BTBD9: variants seen among roughly 807,000 people sequenced by gnomAD.
BTBD9 encodes the protein BTB/POZ domain-containing protein 9.
BTBD9 carries 49 observed loss-of-function variants against 64.3 expected under a neutral mutation model. The observed-to-expected ratio is 0.76, with a 90% confidence interval of 0.61 to 0.97. The LOEUF (loss-of-function observed/expected upper bound fraction) is 0.97, where lower values mean the gene tolerates loss of function less well. BTBD9 is among the 50% of genes least tolerant of loss of function. The pLI, the probability that BTBD9 is intolerant of heterozygous loss-of-function variation, is 0.00. For missense variants in BTBD9, 598 were observed against 762.1 expected (o/e 0.78, Z 2.53); for synonymous variants, 260 against 274.7 (o/e 0.95, Z 0.53).
intron 9 of BTBD9, among the ~76,000 whole-genome samples, chr6:38,212,402 AG>A (rs1762864749): frequency 6.6e-6 from 1 of 152,134 alleles, no homozygotes. Context: ...GAAGGTTGAG[AG>A]GGGGTGACAC....
intron 9 of BTBD9, among the ~76,000 whole-genome samples, chr6:38,225,951 G>A (rs981755358): frequency 4.6e-5 from 7 of 152,336 alleles, no homozygotes; most frequent in South Asian, 2.1e-4. Flanking sequence ...GACTGAGCAC[G>A]TTTCATTGGC....
At chr6:38,426,255 A>C (rs1342683388) in intron 6 of BTBD9, among the ~76,000 whole-genome samples, 2 of 152,076 alleles carry the variant, frequency 1.3e-5, no homozygotes, top group East Asian at 3.9e-4. Context: ...CTCAGCTCAC[A>C]CCCAACCAAT....
chr6:38,245,186 T>G (rs773850489), intron 9 of BTBD9, among the ~76,000 whole-genome samples: 1 of 152,230 alleles, frequency 6.6e-6, no homozygotes, highest in Non-Finnish European at 1.5e-5. Flanking sequence ...GCTCTGGAGC[T>G]TACCTTCTGG....
intron 6 of BTBD9, among the ~76,000 whole-genome samples, chr6:38,535,672 C>T (rs1394317736): frequency 6.6e-6 from 1 of 151,922 alleles, no homozygotes; most frequent in Non-Finnish European, 1.5e-5. Context: ...CATAGACCAA[C>T]GGAACAGAAT....
intron 6 of BTBD9, among the ~76,000 whole-genome samples, chr6:38,475,079 G>C (rs1770819275): frequency 6.6e-6 from 1 of 151,720 alleles, no homozygotes; most frequent in African/African-American, 2.4e-5. Context: ...AATAATGTAG[G>C]GAAAAGTAAA....
intron 6 of BTBD9, among the ~76,000 whole-genome samples, chr6:38,556,523 G>C (rs527797406): frequency 2.2e-5 from 1 of 45,672 alleles, no homozygotes; most frequent in East Asian, 6.0e-4. Context: ...GTGTGTGTGT[G>C]TGTGTGTGTG....
At chr6:38,613,490 C>T (rs1242517724) in intron 1 of BTBD9, among the ~76,000 whole-genome samples, 3 of 152,010 alleles carry the variant, frequency 2.0e-5, no homozygotes, top group Admixed American at 6.6e-5. Flanking sequence ...GGCATGATGG[C>T]GGGTCCCTGT....
At position 38,171,031 on chromosome 6, in the gene BTBD9, T is replaced by C. The variant is rs747989079; in HGVS notation, c.*3954A>G. On this transcript the variant is annotated 3_prime_UTR_variant, in exon 11 of 11. Coordinates refer to ENST00000481247, the MANE Select transcript of BTBD9 (RefSeq NM_001099272.2). Reference sequence around the variant, plus strand: ...TTTCCTCTTTGACACCTTTCTTCCCTGTCCAAAGGGAGGTTCTTAATTGAA... The same window carrying C: ...TTTCCTCTTTGACACCTTTCTTCCCCGTCCAAAGGGAGGTTCTTAATTGAA... 1.3e-5 allele frequency: 2 copies of C among 152,254 alleles called. No individual in the cohort carries two copies. Among genetic ancestry groups the C allele is most frequent in the African/African-American group, 4.8e-5 (2 of 41,472 alleles). The allele number at this position is 152,254 out of a possible 1,614,324, so 9.4% of individuals were successfully genotyped here.
chr6:38,407,948 G>A (rs1017341534), intron 6 of BTBD9, among the ~76,000 whole-genome samples: 2 of 152,112 alleles, frequency 1.3e-5, no homozygotes, highest in Admixed American at 6.5e-5. Context: ...AGCTGTTTTT[G>A]CTTTCTTTTT....
At chr6:38,437,521 G>C (rs1461660234) in intron 6 of BTBD9, among the ~76,000 whole-genome samples, 1 of 151,944 alleles carries the variant, frequency 6.6e-6, no homozygotes, top group East Asian at 1.9e-4. Context: ...TCTTTTTCTG[G>C]GTTTATTGTT....
At chr6:38,475,342 AC>A (rs1770830374) in intron 6 of BTBD9, among the ~76,000 whole-genome samples, 1 of 152,058 alleles carries the variant, frequency 6.6e-6, no homozygotes, top group Admixed American at 6.6e-5. Flanking sequence ...AAAGGAAAAA[AC>A]ATCTTCAGCT....
chr6:38,302,811 C>CT (rs553449944), intron 7 of BTBD9, among the ~76,000 whole-genome samples: 125 of 151,852 alleles, frequency 8.2e-4, no homozygotes, highest in African/African-American at 2.8e-3. Context: ...TGCATTTGTT[C>CT]TTTTTTATCT....
intron 7 of BTBD9, among the ~76,000 whole-genome samples, chr6:38,309,398 A>C (rs532507863): frequency 3.7e-4 from 56 of 151,906 alleles, no homozygotes; most frequent in African/African-American, 1.1e-3. Flanking sequence ...AACAAACAAA[A>C]AAACCACGAA....
rs1025387422 is a variant in BTBD9 at position 38,170,064 on chromosome 6, T to C, written c.*4921A>G. ...TGACCAGTGGTGGTCACAGAGGACG[T>C]GAACGATGACGTGGGCCCAGGTCGG... On this transcript the variant is annotated 3_prime_UTR_variant, in exon 11 of 11. Transcript: ENST00000481247. 6.6e-6 allele frequency: 1 copy of C among 152,168 alleles called. No individual in the cohort carries two copies. Among genetic ancestry groups the C allele is most frequent in the Non-Finnish European group, 1.5e-5 (1 of 68,038 alleles). 9.4% of individuals were successfully genotyped at this position (152,168 alleles called of 1,614,324 possible). A position where few individuals can be genotyped will look rare whatever the true frequency, so the allele number is the denominator to read the frequency against.
At chr6:38,336,487 C>T (rs987785670) in intron 7 of BTBD9, among the ~76,000 whole-genome samples, 6 of 151,932 alleles carry the variant, frequency 3.9e-5, no homozygotes, top group Admixed American at 2.0e-4. Context: ...GGGAGAAGTG[C>T]CGAAAAAAGG....
intron 6 of BTBD9, among the ~76,000 whole-genome samples, chr6:38,387,123 C>T (rs1028776219): frequency 3.3e-5 from 5 of 152,216 alleles, no homozygotes; most frequent in Non-Finnish European, 5.9e-5. Flanking sequence ...TGGACATTCA[C>T]CTTCCTACAA....
At chr6:38,180,179 GC>G (rs1238825687) in intron 10 of BTBD9, among the ~76,000 whole-genome samples, 1 of 152,246 alleles carries the variant, frequency 6.6e-6, no homozygotes, top group Admixed American at 6.5e-5. Context: ...CCTCAGATTT[GC>G]ACGCAATGCA....
At chr6:38,291,528 T>C (rs1480738350) in intron 7 of BTBD9, among the ~76,000 whole-genome samples, 1 of 152,216 alleles carries the variant, frequency 6.6e-6, no homozygotes. Context: ...CTTCCAATAC[T>C]ATGTTGAATA....
chr6:38,208,346 C>T (rs1389395206), intron 9 of BTBD9, among the ~76,000 whole-genome samples: 1 of 152,178 alleles, frequency 6.6e-6, no homozygotes. Context: ...TCCAAGCATG[C>T]TGCTCTTATT....
Sources: gnomAD v4.1 joint callset for allele counts (sites outside exome capture counted in the v4.1 genomes callset) on GRCh38, gnomAD v4.1.1 for gene constraint, MANE v1.5 for transcripts, NCBI Gene and HGNC (gene_info 2026-07-23, HGNC 2026-07-21) for gene names.